ITFG1: variants seen among roughly 807,000 people sequenced by gnomAD.
The protein encoded by ITFG1 is T-cell immunomodulatory protein.
Under a neutral mutation model 81.8 loss-of-function variants are expected in ITFG1, and 34 were observed. The ratio of observed to expected loss-of-function variants is 0.42; its 90% CI spans 0.32 to 0.55. The LOEUF (loss-of-function observed/expected upper bound fraction) is 0.55. Among genes scored for constraint, ITFG1 ranks in the 20% least tolerant of loss-of-function variants. The pLI is 0.17. For synonymous variants in ITFG1, 285 were observed against 270.6 expected, an observed-to-expected ratio of 1.05 and a Z score of -0.52; for missense variants, 672 against 755.4, an observed-to-expected ratio of 0.89 and a Z score of 1.29.
intron 10 of ITFG1, among the ~76,000 whole-genome samples, chr16:47,300,453 C>T (rs906785008): frequency 5.3e-5 from 8 of 152,150 alleles, no homozygotes; most frequent in South Asian, 2.1e-4. Context: ...CTGAGGGCAG[C>T]AGGTAAGGAA....
At chr16:47,373,170 T>C (rs1968279867) in intron 7 of ITFG1, among the ~76,000 whole-genome samples, 2 of 152,216 alleles carry the variant, frequency 1.3e-5, no homozygotes, top group South Asian at 4.1e-4. Context: ...CTTTATACCA[T>C]CTGGATGTGT....
intron 14 of ITFG1, among the ~76,000 whole-genome samples, chr16:47,211,605 C>T (rs1033808190): frequency 1.3e-5 from 2 of 152,192 alleles, no homozygotes; most frequent in Admixed American, 1.3e-4. Flanking sequence ...TCGACGCAGA[C>T]CATTCAGTCT....
intron 13 of ITFG1, among the ~76,000 whole-genome samples, chr16:47,235,046 C>T (rs1351594907): frequency 6.6e-6 from 1 of 152,154 alleles, no homozygotes; most frequent in Non-Finnish European, 1.5e-5. Context: ...CCAATTAAAC[C>T]TCTTTTCTTT....
chr16:47,212,131 C>G (rs1965570699), intron 14 of ITFG1, among the ~76,000 whole-genome samples: 1 of 152,044 alleles, frequency 6.6e-6, no homozygotes, highest in Non-Finnish European at 1.5e-5. Flanking sequence ...CTGTCTTTGT[C>G]TGGTTTTGGT....
chr16:47,234,582 T>C (rs553765396), intron 13 of ITFG1, among the ~76,000 whole-genome samples: 4 of 150,420 alleles, frequency 2.7e-5, no homozygotes, highest in East Asian at 3.9e-4. Context: ...AGGATAAATA[T>C]TGAAAAAATC....
rs1966467451 is a variant in ITFG1 at position 47,283,096 on chromosome 16, C to T, written c.1071-22401G>A. On this transcript the variant is annotated intron_variant, in intron 10 of 17. Coordinates refer to ENST00000320640, the MANE Select transcript of ITFG1 (RefSeq NM_030790.5). ...TAAGCCTTTTAGTTTAATTGAGTTC[C>T]ATGTATCTATTTTTGTTTTTATTGT... 2.0e-5 allele frequency among the ~76,000 whole-genome samples: 3 copies of T among 151,978 alleles called. No individual in the cohort carries two copies. The South Asian group carries it at 6.2e-4, about 32-fold the overall frequency.
intron 6 of ITFG1, among the ~76,000 whole-genome samples, chr16:47,395,366 C>T (rs1363272204): frequency 6.6e-6 from 1 of 152,106 alleles, no homozygotes; most frequent in Non-Finnish European, 1.5e-5. Context: ...CAATGAGACA[C>T]CATGATCATT....
intron 14 of ITFG1, among the ~76,000 whole-genome samples, chr16:47,185,660 A>G (rs1348984991): frequency 1.3e-5 from 2 of 152,224 alleles, no homozygotes; most frequent in Non-Finnish European, 2.9e-5. Context: ...GAGAGCAGGA[A>G]AGATCCAAAA....
At chr16:47,276,220 C>T (rs1336254864) in intron 10 of ITFG1, among the ~76,000 whole-genome samples, 1 of 151,482 alleles carries the variant, frequency 6.6e-6, no homozygotes, top group Non-Finnish European at 1.5e-5. Context: ...ATCCACATAC[C>T]AAAATCAATA....
At chr16:47,431,021 A>G (rs769804986) in intron 5 of ITFG1, among the ~76,000 whole-genome samples, 42 of 152,266 alleles carry the variant, frequency 2.8e-4, no homozygotes, top group Non-Finnish European at 5.4e-4. Context: ...AATACAATAC[A>G]GACTAGTACA....
intron 8 of ITFG1, among the ~76,000 whole-genome samples, chr16:47,340,007 T>C (rs1044717753): frequency 3.3e-5 from 5 of 151,946 alleles, no homozygotes; most frequent in Non-Finnish European, 5.9e-5. Flanking sequence ...GATACTCAGA[T>C]TAACAGTCCA....
At chr16:47,354,974 A>G (rs1343179682) in intron 8 of ITFG1, among the ~76,000 whole-genome samples, 1 of 152,188 alleles carries the variant, frequency 6.6e-6, no homozygotes, top group Non-Finnish European at 1.5e-5. Context: ...TATGTAAAAC[A>G]GTATGGAGTT....
intron 14 of ITFG1, among the ~76,000 whole-genome samples, chr16:47,193,589 G>A (rs1217847060): frequency 6.6e-6 from 1 of 152,176 alleles, no homozygotes; most frequent in Non-Finnish European, 1.5e-5. Flanking sequence ...AGCTACTAGG[G>A]AGGCTGCAGT....
At chr16:47,388,746 T>G (rs539128903) in intron 6 of ITFG1, among the ~76,000 whole-genome samples, 1 of 152,232 alleles carries the variant, frequency 6.6e-6, no homozygotes, top group Admixed American at 6.5e-5. Flanking sequence ...ACAGAAATTT[T>G]AAAATCCTCT....
chr16:47,214,189 G>A, intron 14 of ITFG1, among the ~76,000 whole-genome samples: 1 of 152,192 alleles, frequency 6.6e-6, no homozygotes, highest in East Asian at 1.9e-4. Context: ...GAATGAGTGT[G>A]TGTCGTAGAA....
intron 10 of ITFG1, among the ~76,000 whole-genome samples, chr16:47,298,103 T>C (rs1189668896): frequency 6.6e-6 from 1 of 152,204 alleles, no homozygotes; most frequent in African/African-American, 2.4e-5. Flanking sequence ...TAGTCTCTTG[T>C]TGAAGCTTTC....
At chr16:47,289,714 T>G (rs946727985) in intron 10 of ITFG1, among the ~76,000 whole-genome samples, 4 of 152,140 alleles carry the variant, frequency 2.6e-5, no homozygotes, top group Non-Finnish European at 4.4e-5. Context: ...CTTTTTGATT[T>G]TATTTATTGG....
intron 12 of ITFG1, among the ~76,000 whole-genome samples, chr16:47,239,155 A>G (rs1965906349): frequency 6.6e-6 from 1 of 152,098 alleles, no homozygotes; most frequent in Non-Finnish European, 1.5e-5. Context: ...CCCAGCCTCA[A>G]GAACTGCGAG....
chr16:47,299,164 T>C (rs1291504697), intron 10 of ITFG1, among the ~76,000 whole-genome samples: 1 of 152,156 alleles, frequency 6.6e-6, no homozygotes, highest in Non-Finnish European at 1.5e-5. Flanking sequence ...ATTCAGAATA[T>C]TCGGTTAGGT....
Sources: gnomAD v4.1 joint callset for allele counts (sites outside exome capture counted in the v4.1 genomes callset) on GRCh38, gnomAD v4.1.1 for gene constraint, MANE v1.5 for transcripts, NCBI Gene and HGNC (gene_info 2026-07-23, HGNC 2026-07-21) for gene names.